Variants in ZNF469 observed in about 807,000 individuals in gnomAD.
ZNF469 encodes the protein zinc finger protein 469.
ZNF469 carries 1 observed loss-of-function variant against 1.0 expected under a neutral mutation model. The ratio of observed to expected loss-of-function variants is 1.00; its 90% CI spans 0.35 to 4.73. The LOEUF (loss-of-function observed/expected upper bound fraction) is 4.73. ZNF469 is among the 30% of genes most tolerant of loss of function. The probability of loss-of-function intolerance (pLI) is 0.16; values close to 1 mark genes in which losing one functional copy is unlikely to be tolerated. For missense variants in ZNF469, 6,100 were observed against 5,356.3 expected, an observed-to-expected ratio of 1.14 and a Z score of -4.33; for synonymous variants, 2,703 against 2,363.4, an observed-to-expected ratio of 1.14 and a Z score of -4.17.
chr16:88,277,507 C>T, the ZNF469 span, among the ~76,000 whole-genome samples: 1 of 141,650 alleles, frequency 7.1e-6, no homozygotes, highest in African/African-American at 2.7e-5. Context: ...CGGTCAGTAC[C>T]GTGTAGATAT....
chr16:88,199,081 G>A, the ZNF469 span, among the ~76,000 whole-genome samples: 4 of 152,192 alleles, frequency 2.6e-5, no homozygotes, highest in Non-Finnish European at 5.9e-5. Flanking sequence ...ATGCCACCAG[G>A]GTTCCCATTC....
chr16:88,355,483 G>A, the ZNF469 span, among the ~76,000 whole-genome samples: 38 of 152,334 alleles, frequency 2.5e-4, no homozygotes, highest in Middle Eastern at 6.8e-3. Flanking sequence ...GGGGAGAAAC[G>A]TGAGCGTGGC....
Position 88,429,241 on chromosome 16 carries a change from T to A in ZNF469, c.1771T>A (p.Ser591Thr), listed in dbSNP as rs1236933029. Residue 591 changes from serine (S) to threonine (T), a missense_variant, in exon 3 of 3, where the codon TCC (serine) becomes ACC (threonine). Physicochemically the swap from Ser to Thr is moderately conservative, Grantham distance 58. Coordinates refer to ENST00000565624, the MANE Select transcript of ZNF469 (RefSeq NM_001367624.2). ...PRVVGASPSESPLPSPATNTA... is the reference protein window; with the variant it reads ...PRVVGASPSETPLPSPATNTA... ...GGTAGTGGGAGCCTCCCCCAGCGAG[T>A]CCCCACTGCCGTCACCGGCCACCAA... 2.6e-6 allele frequency: 4 copies of A among 1,548,986 alleles called. No homozygotes were observed. Among genetic ancestry groups the A allele is most frequent in the Non-Finnish European group, 3.5e-6 (4 of 1,146,568 alleles).
chr16:88,115,424 C>T, the ZNF469 span, among the ~76,000 whole-genome samples: 2 of 151,922 alleles, frequency 1.3e-5, no homozygotes, highest in African/African-American at 2.4e-5. Context: ...GGGTCACCGC[C>T]GTGCACCCCT....
intron 1 of ZNF469, among the ~76,000 whole-genome samples, chr16:88,398,969 A>C (rs945636189): frequency 1.3e-5 from 2 of 152,180 alleles, no homozygotes; most frequent in African/African-American, 4.8e-5. Flanking sequence ...ATCTATTTTT[A>C]ACCTCATTTA....
chr16:88,135,588 G>T, the ZNF469 span, among the ~76,000 whole-genome samples: 1 of 152,054 alleles, frequency 6.6e-6, no homozygotes, highest in Non-Finnish European at 1.5e-5. Context: ...TTGGTGAGGA[G>T]CACCCACAGC....
the ZNF469 span, among the ~76,000 whole-genome samples, chr16:88,312,530 C>T: frequency 3.6e-3 from 542 of 152,340 alleles, 3 homozygotes; most frequent in African/African-American, 0.013. Flanking sequence ...CTTTAAGACC[C>T]TTATTTTATG....
At chr16:88,376,965 C>T in the ZNF469 span, among the ~76,000 whole-genome samples, 2 of 152,370 alleles carry the variant, frequency 1.3e-5, no homozygotes. Flanking sequence ...GAGGACGGCT[C>T]TGCCCGCTCA....
chr16:88,435,307 C>T lies in ZNF469; in HGVS notation c.7837C>T (p.Arg2613Trp), dbSNP rs754715853. The change falls in exon 3 of 3, where the codon CGG (arginine) becomes TGG (tryptophan). Residue 2613 changes from arginine (R) to tryptophan (W), a missense_variant. Transcript: ENST00000565624. Reference protein sequence around the residue: ...HPKQAEKREGRRWRREPTVDS... With the variant: ...HPKQAEKREGWRWRREPTVDS... ...CAAACAGGCAGAAAAAAGAGAAGGC[C>T]GGAGGTGGCGCCGAGAGCCCACCGT... is the stretch of plus-strand genomic sequence containing the variant. 1.4e-5 allele frequency: 22 copies of T among 1,550,170 alleles called. No homozygotes were observed. Among genetic ancestry groups the T allele is most frequent in the African/African-American group, 5.5e-5 (4 of 73,012 alleles).
rs1357579094 is a variant in ZNF469 at position 88,429,081 on chromosome 16, G to A, written c.1611G>A (p.Val537=). 1 of 1,550,002 alleles carries A rather than the reference G, an allele frequency of 6.5e-7. No homozygotes were observed. Among genetic ancestry groups the A allele is most frequent in the Non-Finnish European group, 8.7e-7 (1 of 1,146,880 alleles). ...TPGPREKLPA[V]RSSQGGSPAL... is the part of the protein sequence containing the mutation. ...GACCCAGAGAGAAGCTGCCAGCCGT[G>A]AGAAGCAGCCAGGGCGGCTCCCCAG... Residue 537 remains valine, a synonymous_variant, in exon 3 of 3, where the codon GTG becomes GTA. Transcript: ENST00000565624.
chr16:88,355,068 G>C, the ZNF469 span, among the ~76,000 whole-genome samples: 1 of 151,690 alleles, frequency 6.6e-6, no homozygotes, highest in African/African-American at 2.4e-5. Context: ...GTCTCCCACA[G>C]ACCTCGGGCC....
At position 88,428,645 on chromosome 16, in the gene ZNF469, G is replaced by A. The variant is rs1274891332; in HGVS notation, c.1175G>A (p.Gly392Glu). 5.2e-6 allele frequency: 8 copies of A among 1,550,048 alleles called. No individual in the cohort carries two copies. Among genetic ancestry groups the A allele is most frequent in the Non-Finnish European group, 7.0e-6 (8 of 1,146,874 alleles). ...ERPPSAQDGL[G>E]STRGPPSSLP... ...CCACCTTCAGCCCAGGATGGGCTGGGGAGCACGAGAGGGCCCCCTAGCTCC... is the reference window on the plus strand; with the variant it reads ...CCACCTTCAGCCCAGGATGGGCTGGAGAGCACGAGAGGGCCCCCTAGCTCC... Residue 392 changes from glycine to glutamate, a missense_variant, in exon 3 of 3, where the codon GGG becomes GAG. By Grantham distance (98) the Gly-to-Glu change is moderately conservative. Coordinates refer to ENST00000565624, the MANE Select transcript of ZNF469 (RefSeq NM_001367624.2).
the ZNF469 span, among the ~76,000 whole-genome samples, chr16:88,262,343 C>T: frequency 2.0e-5 from 3 of 152,146 alleles, no homozygotes; most frequent in Non-Finnish European, 4.4e-5. The surrounding 1 kb of genome is among the most constrained non-coding windows in gnomAD (Gnocchi z 4.3). Flanking sequence ...CTCAAAGAGC[C>T]GAGGGGTGGG....
the ZNF469 span, among the ~76,000 whole-genome samples, chr16:88,331,500 TCAC>T: frequency 1.1e-4 from 16 of 145,352 alleles, no homozygotes; most frequent in East Asian, 1.9e-3. Flanking sequence ...ACTATTGTTA[TCAC>T]CACCACCATC....
chr16:88,181,345 C>T, the ZNF469 span, among the ~76,000 whole-genome samples: 1 of 152,210 alleles, frequency 6.6e-6, no homozygotes, highest in Non-Finnish European at 1.5e-5. Flanking sequence ...GCTGGGATGA[C>T]AGGCGTGAGC....
At chr16:88,418,030 A>G (rs1905351143) in intron 1 of ZNF469, among the ~76,000 whole-genome samples, 1 of 152,094 alleles carries the variant, frequency 6.6e-6, no homozygotes, top group South Asian at 2.1e-4. Context: ...CCTCACCCTA[A>G]CCTAGAGCCC....
At chr16:88,115,990 C>A in the ZNF469 span, among the ~76,000 whole-genome samples, 1 of 152,232 alleles carries the variant, frequency 6.6e-6, no homozygotes, top group South Asian at 2.1e-4. Flanking sequence ...CTCCCCATCT[C>A]AGGTGAAAAG....
At chr16:88,333,880 T>TGTGTGTG in the ZNF469 span, among the ~76,000 whole-genome samples, 6 of 115,002 alleles carry the variant, frequency 5.2e-5, no homozygotes, top group East Asian at 2.5e-4. Flanking sequence ...GTGTGTGTGT[T>TGTGTGTG]TGTGTGTCTG....
the ZNF469 span, among the ~76,000 whole-genome samples, chr16:88,156,802 T>C: frequency 6.6e-6 from 1 of 151,876 alleles, no homozygotes; most frequent in Non-Finnish European, 1.5e-5. Flanking sequence ...CAGCTGACTG[T>C]GCAGGCAGAG....
Sources: allele counts gnomAD v4.1 joint callset (sites outside exome capture counted in the v4.1 genomes callset), GRCh38; gene constraint gnomAD v4.1.1; non-coding constraint Gnocchi (gnomAD v3.1); transcripts MANE v1.5; gene names NCBI Gene and HGNC (gene_info 2026-07-23, HGNC 2026-07-21).